Variants in PTPRN2 observed in about 807,000 individuals in gnomAD.
PTPRN2 encodes the protein receptor-type tyrosine-protein phosphatase N2.
PTPRN2 carries 74 observed loss-of-function variants against 118.8 expected under a neutral mutation model. The observed-to-expected ratio is 0.62, with a 90% CI of 0.52 to 0.76. PTPRN2 has a LOEUF of 0.76. Among genes scored for constraint, PTPRN2 ranks in the 30% least tolerant of loss-of-function variants. PTPRN2 has a pLI of 0.00. For missense variants in PTPRN2, 1,481 were observed against 1,394.4 expected (o/e 1.06, Z -0.99); for synonymous variants, 641 against 608.0 (o/e 1.05, Z -0.80).
chr7:157,559,621 C>T (rs1194776797), intron 21 of PTPRN2, among the ~76,000 whole-genome samples: 2 of 152,168 alleles, frequency 1.3e-5, no homozygotes, highest in Admixed American at 1.3e-4. Flanking sequence ...GACTGCCCGG[C>T]AGCAGGGAGC....
Position 158,522,684 on chromosome 7 carries a change from C to T in PTPRN2, c.113-32899G>A, listed in dbSNP as rs1309676063. ...GATTAAGGTGAAGTGAGGGCATCAG[C>T]ATGGTCTGGAGTCCGTGAGGCACTC... On this transcript the variant is annotated intron_variant, in intron 1 of 22. Transcript: ENST00000389418. Among the ~76,000 whole-genome samples, 4 of 152,348 alleles carry T rather than the reference C, an allele frequency of 2.6e-5. No homozygotes were observed. The East Asian group carries it at 5.8e-4, about 22-fold the overall frequency.
At chr7:157,754,613 C>T (rs1049214973) in intron 12 of PTPRN2, among the ~76,000 whole-genome samples, 11 of 152,198 alleles carry the variant, frequency 7.2e-5, no homozygotes, top group Non-Finnish European at 2.9e-5. Context: ...TGGAGGAGGC[C>T]GAGGCTCCGG....
intron 21 of PTPRN2, among the ~76,000 whole-genome samples, chr7:157,554,014 G>GTGCGGCCAGGCCGGGTGCCGGATCC (rs1798766413): frequency 7.9e-6 from 1 of 126,456 alleles, no homozygotes; most frequent in Non-Finnish European, 1.7e-5. Context: ...CTGGGCATGG[G>GTGCGGCCAGGCCGGGTGCCGGATCC]TGCGGCCAGG....
rs10237551 is a variant in PTPRN2 at position 157,845,751 on chromosome 7, C to T, written c.1788+52922G>A. Among the ~76,000 whole-genome samples the T allele has an allele frequency of 0.012, 1,765 of 152,160 alleles. 43 individuals carry two copies. Among genetic ancestry groups the T allele is most frequent in the African/African-American group, 0.041 (1,689 of 41,490 alleles). On this transcript the variant is annotated intron_variant, in intron 12 of 22. Transcript: ENST00000389418. This position sits in a 1 kb window ranked among gnomAD's most constrained non-coding sequence, Gnocchi z 4.5. ...TCCCTGTGCTCATGACTCACAGAGA[C>T]GGGGACGGCAGCAAGGACACAGCAG...
intron 12 of PTPRN2, among the ~76,000 whole-genome samples, chr7:157,699,457 G>A (rs56342336): frequency 0.047 from 7,086 of 152,130 alleles, 225 homozygotes; most frequent in Non-Finnish European, 0.071. Context: ...TTACTGAGAC[G>A]GAGTCTTGCT....
At chr7:157,767,173 A>G (rs1317161853) in intron 12 of PTPRN2, among the ~76,000 whole-genome samples, 1 of 152,202 alleles carries the variant, frequency 6.6e-6, no homozygotes, top group African/African-American at 2.4e-5. Flanking sequence ...CCCTGGCTGC[A>G]GGGAGGTTGA....
chr7:157,783,556 G>A (rs368317622), intron 12 of PTPRN2, among the ~76,000 whole-genome samples: 30 of 149,738 alleles, frequency 2.0e-4, no homozygotes, highest in African/African-American at 7.2e-4. Context: ...CACTAATTCT[G>A]AGCATGCAGG....
intron 9 of PTPRN2, among the ~76,000 whole-genome samples, chr7:158,122,568 G>T (rs1438484334): frequency 6.6e-6 from 1 of 152,226 alleles, no homozygotes; most frequent in African/African-American, 2.4e-5. Flanking sequence ...GAAATATAAA[G>T]AGTAGTAAAA....
At chr7:157,682,979 G>A (rs927115134) in intron 12 of PTPRN2, 42 bp from the exon 13 acceptor site, 6 of 1,495,170 alleles carry the variant, frequency 4.0e-6, no homozygotes, top group East Asian at 2.3e-5. Flanking sequence ...TCCTGACAAA[G>A]CATGACCTCC....
At chr7:157,992,832 G>A (rs940675114) in intron 11 of PTPRN2, among the ~76,000 whole-genome samples, 2 of 152,250 alleles carry the variant, frequency 1.3e-5, no homozygotes, top group African/African-American at 4.8e-5. Context: ...GCGATGGGAA[G>A]ACCTTTTGGC....
At chr7:157,737,013 C>T (rs1285411510) in intron 12 of PTPRN2, among the ~76,000 whole-genome samples, 13 of 152,122 alleles carry the variant, frequency 8.5e-5, no homozygotes, top group Non-Finnish European at 1.3e-4. Context: ...CCGAGTCTCC[C>T]GGGGGCAATG....
chr7:157,776,114 C>G (rs1167492630), intron 12 of PTPRN2, among the ~76,000 whole-genome samples: 1 of 146,636 alleles, frequency 6.8e-6, no homozygotes, highest in Non-Finnish European at 1.5e-5. Flanking sequence ...TCTCTCCTCT[C>G]CTTTTTCACC....
chr7:157,731,587 CACCCCATGCGCCCAGCACA>C (rs1799920515), intron 12 of PTPRN2, among the ~76,000 whole-genome samples: 34 of 112,108 alleles, frequency 3.0e-4, no homozygotes, highest in Admixed American at 2.2e-3. Flanking sequence ...TACTCTTTTC[CACCCCATGCGCCCAGCACA>C]GTTACCCTTT....
rs1585183031 is a variant in PTPRN2 at position 158,003,406 on chromosome 7, T to C, written c.1723+77892A>G. On this transcript the variant is annotated intron_variant, in intron 11 of 22. Transcript: ENST00000389418. This position sits in a 1 kb window ranked among gnomAD's most constrained non-coding sequence, Gnocchi z 5.0. ...TCCAACCTGGGAGACACAGCGAGACTCCGTCTCAAAAAAAAAAAAAAAAAA... is the reference window on the plus strand; with the variant it reads ...TCCAACCTGGGAGACACAGCGAGACCCCGTCTCAAAAAAAAAAAAAAAAAA... Among the ~76,000 whole-genome samples, 3 of 89,350 alleles carry C rather than the reference T, an allele frequency of 3.4e-5. No homozygotes were observed. The highest frequency in any genetic ancestry group is 1.4e-4 in the Admixed American group (1 of 6,908). 58.6% of individuals were successfully genotyped at this position (89,350 alleles called of 152,430 possible).
chr7:158,340,646 C>G (rs1432385079), intron 2 of PTPRN2, among the ~76,000 whole-genome samples: 1 of 104,036 alleles, frequency 9.6e-6, no homozygotes, highest in Non-Finnish European at 2.1e-5. Flanking sequence ...GCCATAAGAG[C>G]TGACGCCCGC....
chr7:158,461,400 G>A (rs902451904), intron 2 of PTPRN2, among the ~76,000 whole-genome samples: 4 of 151,860 alleles, frequency 2.6e-5, no homozygotes, highest in Admixed American at 2.6e-4. Flanking sequence ...GGAGGCTGAG[G>A]CAGGAGAATG....
Position 158,489,905 on chromosome 7 carries a change from G to A in PTPRN2, c.113-120C>T, listed in dbSNP as rs574847985. The A allele has an allele frequency of 2.5e-5, 24 of 953,148 alleles. No individual in the cohort carries two copies. In the African/African-American group the frequency reaches 3.0e-4, roughly 12 times the overall value. 59.0% of individuals were successfully genotyped at this position (953,148 alleles called of 1,614,324 possible). On this transcript the variant is annotated intron_variant, in intron 1 of 22. Coordinates refer to ENST00000389418, the MANE Select transcript of PTPRN2 (RefSeq NM_002847.5). ...AACCGCCGGTCAAGCAGGCTCCTCC[G>A]ACCCGGCTTTTCCGAGATGGGGCCG...
intron 2 of PTPRN2, among the ~76,000 whole-genome samples, chr7:158,418,997 A>G (rs1202838649): frequency 6.6e-6 from 1 of 152,150 alleles, no homozygotes; most frequent in Admixed American, 6.5e-5. Context: ...AACAATCCTC[A>G]TTTTCCTATA....
At chr7:158,407,144 C>A (rs1477740677) in intron 2 of PTPRN2, among the ~76,000 whole-genome samples, 2 of 111,586 alleles carry the variant, frequency 1.8e-5, no homozygotes, top group East Asian at 6.5e-4. Flanking sequence ...CTGCGTCCTG[C>A]GTCCTGGGTC....
Sources: gnomAD v4.1 joint callset for allele counts (sites outside exome capture counted in the v4.1 genomes callset) on GRCh38, gnomAD v4.1.1 for gene constraint, Gnocchi (gnomAD v3.1) non-coding constraint, MANE v1.5 for transcripts, NCBI Gene and HGNC (gene_info 2026-07-23, HGNC 2026-07-21) for gene names.